Variants in MCC observed in about 807,000 individuals in gnomAD.
The protein encoded by MCC is colorectal mutant cancer protein.
In MCC, 90 loss-of-function variants were observed where a neutral mutation model predicts 116.2. The observed-to-expected ratio is 0.77, with a 90% CI of 0.65 to 0.92. MCC has a LOEUF of 0.92. Ranked by LOEUF, MCC falls within the 40% of genes least tolerant of loss-of-function variation. The pLI is 0.00. For synonymous variants in MCC, 578 were observed against 510.5 expected (o/e 1.13, Z -1.78); for missense variants, 1,516 against 1,312.2 (o/e 1.16, Z -2.40).
At chr5:113,118,159 T>C (rs1332921467) in intron 6 of MCC, among the ~76,000 whole-genome samples, 6 of 152,170 alleles carry the variant, frequency 3.9e-5, no homozygotes, top group Non-Finnish European at 5.9e-5. Flanking sequence ...GGATTAAACA[T>C]GAGGGATGCA....
Position 113,083,544 on chromosome 5 carries a change from C to T in MCC, c.1636-536G>A, listed in dbSNP as rs148160188. On this transcript the variant is annotated intron_variant, in intron 10 of 18. Coordinates refer to ENST00000408903, the MANE Select transcript of MCC (RefSeq NM_001085377.2). ...ATAGCTGGCTCTCTAAGCCTCATCC[C>T]CAATCCTAAAAGATCCCTTAAAGAA... is the stretch of plus-strand genomic sequence containing the variant. Among the ~76,000 whole-genome samples the T allele has an allele frequency of 3.6e-4, 55 of 152,306 alleles. 2 individuals carry two copies. The highest frequency in any genetic ancestry group is 1.3e-3 in the African/African-American group (52 of 41,550).
intron 17 of MCC, among the ~76,000 whole-genome samples, chr5:113,032,276 C>T (rs1005075712): frequency 1.3e-5 from 2 of 151,958 alleles, no homozygotes; most frequent in Admixed American, 6.6e-5. Flanking sequence ...GGTGTGGTGG[C>T]GCTTGCCTGT....
intron 2 of MCC, among the ~76,000 whole-genome samples, chr5:113,372,917 G>A (rs1768872457): frequency 6.6e-6 from 1 of 152,086 alleles, no homozygotes; most frequent in African/African-American, 2.4e-5. Context: ...GGTGGCTCAA[G>A]CCTGTAATCC....
chr5:113,327,545 C>CAAAA (rs1189402090), intron 3 of MCC, among the ~76,000 whole-genome samples: 1,578 of 56,960 alleles, frequency 0.028, 75 homozygotes, highest in Admixed American at 0.11. Context: ...GACTCAGTCT[C>CAAAA]AAAAAAAAAA....
chr5:113,213,537 G>A (rs1035719907), intron 3 of MCC, among the ~76,000 whole-genome samples: 3 of 152,130 alleles, frequency 2.0e-5, no homozygotes, highest in Non-Finnish European at 2.9e-5. Context: ...AGAGAACAAC[G>A]ACATAACCTG....
chr5:113,275,845 G>A (rs906348597), intron 3 of MCC, among the ~76,000 whole-genome samples: 6 of 152,066 alleles, frequency 3.9e-5, no homozygotes, highest in Admixed American at 3.3e-4. Context: ...TGTAGCGGGA[G>A]GTCCTGGAAC....
rs114644693 is a variant in MCC at position 113,093,564 on chromosome 5, T to G, written c.1398+8175A>C. Reference sequence around the variant, plus strand: ...TTAGGCAGAGTGGGAAAGTGAGATGTTGGGGGGATTTGGCCCTAGAGCTGT... The same window carrying G: ...TTAGGCAGAGTGGGAAAGTGAGATGGTGGGGGGATTTGGCCCTAGAGCTGT... On this transcript the variant is annotated intron_variant, in intron 8 of 18. Transcript: ENST00000408903. 8.3e-3 allele frequency among the ~76,000 whole-genome samples: 1,260 copies of G among 151,946 alleles called. 19 individuals carry two copies. Among genetic ancestry groups the G allele is most frequent in the African/African-American group, 0.029 (1,208 of 41,438 alleles).
At position 113,161,620 on chromosome 5, in the gene MCC, ATG is replaced by A. The variant is rs57962617; in HGVS notation, c.628-10200_628-10199del. Reference sequence around the variant, plus strand: ...GGAAAGCAAATGGAGGTTTAGATTTATGTGTGTGTGTGTGTGTGTGTGTGTGT... The same window carrying A: ...GGAAAGCAAATGGAGGTTTAGATTTATGTGTGTGTGTGTGTGTGTGTGTGT... On this transcript the variant is annotated intron_variant, in intron 3 of 18. Transcript: ENST00000408903. Among the ~76,000 whole-genome samples the A allele has an allele frequency of 7.5e-3, 1,120 of 148,376 alleles. 14 individuals carry two copies. The highest frequency in any genetic ancestry group is 0.025 in the African/African-American group (985 of 39,776).
At chr5:113,331,395 A>G (rs1345210033) in intron 3 of MCC, among the ~76,000 whole-genome samples, 1 of 151,702 alleles carries the variant, frequency 6.6e-6, no homozygotes, top group African/African-American at 2.4e-5. Flanking sequence ...AACCAGGGAC[A>G]TCCTCTAGAC....
intron 3 of MCC, among the ~76,000 whole-genome samples, chr5:113,170,986 C>A (rs1010127695): frequency 2.0e-5 from 3 of 152,074 alleles, no homozygotes; most frequent in Non-Finnish European, 2.9e-5. Context: ...ACATGCGTCC[C>A]TAAAGCTTTG....
At chr5:113,133,088 A>C (rs1026079444) in intron 5 of MCC, among the ~76,000 whole-genome samples, 1 of 152,148 alleles carries the variant, frequency 6.6e-6, no homozygotes, top group Non-Finnish European at 1.5e-5. Flanking sequence ...AATGTGTAAT[A>C]ATCAAGTCAG....
chr5:113,394,560 G>A (rs1453465959), intron 1 of MCC, among the ~76,000 whole-genome samples: 1 of 152,078 alleles, frequency 6.6e-6, no homozygotes, highest in Non-Finnish European at 1.5e-5. Context: ...TCTATAAACG[G>A]TCACTGTTAT....
rs756496382 is a variant in MCC at position 113,151,429 on chromosome 5, T to C, written c.628-7A>G. On this transcript the variant is annotated splice_region_variant and splice_polypyrimidine_tract_variant and intron_variant, in intron 3 of 18. Transcript: ENST00000408903. ...CCAGGGCTGCTGAATGGAGCTGTGG[T>C]GACAGAAAGGAGGAGATTAGAGTAT... 7.8e-6 allele frequency: 12 copies of C among 1,530,094 alleles called. No homozygotes were observed. The highest frequency in any genetic ancestry group is 1.1e-5 in the Non-Finnish European group (12 of 1,107,532). 94.8% of individuals were successfully genotyped at this position (1,530,094 alleles called of 1,614,324 possible). A position where few individuals can be genotyped will look rare whatever the true frequency, so the allele number is the denominator to read the frequency against.
At chr5:113,279,962 T>C (rs1020103465) in intron 3 of MCC, among the ~76,000 whole-genome samples, 12 of 152,240 alleles carry the variant, frequency 7.9e-5, no homozygotes, top group African/African-American at 1.4e-4. Context: ...CAAAATAATA[T>C]GGTATTGCCA....
In MCC at chr5:113,385,016, G is replaced by A. The variant is rs1335753097; in HGVS notation, c.367C>T (p.Leu123=). 5 of 1,614,208 alleles carry A rather than the reference G, an allele frequency of 3.1e-6. No individual in the cohort carries two copies. The highest frequency in any genetic ancestry group is 2.7e-5 in the African/African-American group (2 of 75,062). Residue 123 remains leucine (L), a synonymous_variant, in exon 2 of 19, where the codon CTG becomes TTG. Coordinates refer to ENST00000408903, the MANE Select transcript of MCC (RefSeq NM_001085377.2). ...AKSDNSCTKK[L]RDRIASWPTS... ...GGCCAGGAAGCAATTCTATCCCTCA[G>A]CTTCTTTGTACAGGAGTTGTCTGAC...
At chr5:113,350,919 C>T (rs1364267898) in intron 2 of MCC, among the ~76,000 whole-genome samples, 1 of 152,098 alleles carries the variant, frequency 6.6e-6, no homozygotes, top group East Asian at 1.9e-4. Flanking sequence ...AAATAGCTAA[C>T]AGGCCTATGA....
chr5:113,094,914 A>C (rs956516008), intron 8 of MCC, among the ~76,000 whole-genome samples: 12 of 152,146 alleles, frequency 7.9e-5, no homozygotes, highest in African/African-American at 2.7e-4. Context: ...CTCATGAAGT[A>C]ACTGGGAGCT....
chr5:113,327,852 CATT>C lies in MCC; in HGVS notation c.627+12664_627+12666del, dbSNP rs144241248. Among the ~76,000 whole-genome samples, 1,343 of 151,416 alleles carry C rather than the reference CATT, an allele frequency of 8.9e-3. 25 individuals are homozygous for C. Among genetic ancestry groups the C allele is most frequent in the African/African-American group, 0.032 (1,304 of 41,326 alleles). On this transcript the variant is annotated intron_variant, in intron 3 of 18. Transcript: ENST00000408903. ...CACAATTACTTTTGCACCAACCTAA[CATT>C]ATTATACCTCAGTGTGGAAAATATG...
chr5:113,260,608 C>T (rs1397253669), intron 3 of MCC, among the ~76,000 whole-genome samples: 1 of 152,070 alleles, frequency 6.6e-6, no homozygotes, highest in Non-Finnish European at 1.5e-5. Context: ...TGAAATCTGA[C>T]AAACTTTCTG....
Sources: allele counts gnomAD v4.1 joint callset (sites outside exome capture counted in the v4.1 genomes callset), GRCh38; gene constraint gnomAD v4.1.1; transcripts MANE v1.5; gene names NCBI Gene and HGNC (gene_info 2026-07-23, HGNC 2026-07-21).